NUCKS1: variants seen among roughly 807,000 people sequenced by gnomAD.
NUCKS1 encodes the protein nuclear ubiquitous casein and cyclin-dependent kinase substrate 1.
NUCKS1 carries 2 observed loss-of-function variants against 33.0 expected under a neutral mutation model. The observed-to-expected ratio is 0.06, with a 90% CI of 0.02 to 0.19. The LOEUF is 0.19. Among genes scored for constraint, NUCKS1 ranks in the 10% least tolerant of loss-of-function variants. NUCKS1 has a pLI of 1.00. For missense variants in NUCKS1, 201 were observed against 293.6 expected (o/e 0.68, Z 2.31); for synonymous variants, 106 against 102.8 (o/e 1.03, Z -0.19).
chr1:205,749,927 C>G (rs765479478), intron 1 of NUCKS1, 30 bp downstream of exon 1: 27 of 1,605,876 alleles, frequency 1.7e-5, no homozygotes, highest in Non-Finnish European at 2.2e-5. Context: ...CCCCCTCCAA[C>G]CCGCTCCAGG....
rs376759057 is a variant in NUCKS1 at position 205,750,026 on chromosome 1, C to A, written c.-53G>T. 2.7e-4 allele frequency: 275 copies of A among 1,004,822 alleles called. No homozygotes were observed. Among genetic ancestry groups the A allele is most frequent in the Middle Eastern group, 3.4e-4 (1 of 2,910 alleles). 62.2% of individuals were successfully genotyped at this position (1,004,822 alleles called of 1,614,324 possible). A position where few individuals can be genotyped will look rare whatever the true frequency, so the allele number is the denominator to read the frequency against. ...AGAAGCCAAAGACCAGGACCCCCCCCACCCCGCGCGCTCGGCGCCCCACCC... is the reference window on the plus strand; with the variant it reads ...AGAAGCCAAAGACCAGGACCCCCCCAACCCCGCGCGCTCGGCGCCCCACCC... On this transcript the variant is annotated 5_prime_UTR_variant, in exon 1 of 7. Transcript: ENST00000367142.
At chr1:205,721,767 C>G (rs1671921759) in intron 4 of NUCKS1, among the ~76,000 whole-genome samples, 1 of 151,950 alleles carries the variant, frequency 6.6e-6, no homozygotes. Flanking sequence ...CCTCACCTCC[C>G]AGGTTCAAGC....
chr1:205,727,774 G>T lies in NUCKS1; in HGVS notation c.99C>A (p.Pro33=). The T allele has an allele frequency of 1.9e-6, 3 of 1,612,928 alleles. No individual in the cohort carries two copies. The highest frequency in any genetic ancestry group is 1.3e-5 in the African/African-American group (1 of 74,928). Residue 33 remains proline (P), a synonymous_variant, in exon 3 of 7, where the codon CCC becomes CCA. Coordinates refer to ENST00000367142, the MANE Select transcript of NUCKS1 (RefSeq NM_022731.5). ...DEDYGRDSGP[P]TKKIRSSPRE... ...GGGGAGATGATCGAATTTTCTTAGT[G>T]GGAGGGCCCGAATCTCTTCCATAAT... is the stretch of plus-strand genomic sequence containing the variant.
At position 205,717,740 on chromosome 1, in the gene NUCKS1, G is replaced by GC. The variant is rs1671847862; in HGVS notation, c.*539_*540insG. Reference sequence around the variant, plus strand: ...AAGTTTAAAGTCATGATTTTTTTTAGACATTGATACTTGTGTCTATAGACA... The same window carrying GC: ...AAGTTTAAAGTCATGATTTTTTTTAGCACATTGATACTTGTGTCTATAGACA... On this transcript the variant is annotated 3_prime_UTR_variant, in exon 7 of 7. Transcript: ENST00000367142. The GC allele has an allele frequency of 1.0e-6, 1 of 984,662 alleles. No individual in the cohort carries two copies. The highest frequency in any genetic ancestry group is 6.2e-5 in the Admixed American group (1 of 16,224). 61.0% of individuals were successfully genotyped at this position (984,662 alleles called of 1,614,324 possible).
chr1:205,741,274 T>C lies in NUCKS1; in HGVS notation c.17+8683A>G, dbSNP rs1212837093. ...GAGATCGCGCCACTGCACTCCAGCC[T>C]GGGCGACAGAGCGAGACTGTCTCAA... is the stretch of plus-strand genomic sequence containing the variant. On this transcript the variant is annotated intron_variant, in intron 1 of 6. Transcript: ENST00000367142. Among the ~76,000 whole-genome samples, 3 of 119,110 alleles carry C rather than the reference T, an allele frequency of 2.5e-5. No homozygotes were observed. The East Asian group carries it at 7.4e-4, about 29-fold the overall frequency. The allele number at this position is 119,110 out of a possible 152,430, so 78.1% of individuals were successfully genotyped here.
At chr1:205,729,839 T>C (rs567941138) in intron 1 of NUCKS1, among the ~76,000 whole-genome samples, 78 of 152,120 alleles carry the variant, frequency 5.1e-4, no homozygotes, top group African/African-American at 1.7e-3. Context: ...CTAACCAACA[T>C]AGAGAAACCT....
At position 205,749,990 on chromosome 1, in the gene NUCKS1, G is replaced by A. The variant is rs376990276; in HGVS notation, c.-17C>T. ...CCGCGACATGTTCGCTGTCGAAACA[G>A]GACCGAGTCGAGAAGCCAAAGACCA... is the stretch of plus-strand genomic sequence containing the variant. On this transcript the variant is annotated 5_prime_UTR_variant, in exon 1 of 7. Coordinates refer to ENST00000367142, the MANE Select transcript of NUCKS1 (RefSeq NM_022731.5). The A allele has an allele frequency of 1.9e-5, 30 of 1,598,742 alleles. No individual in the cohort carries two copies. In the African/African-American group the frequency reaches 2.9e-4, roughly 15 times the overall value.
chr1:205,717,749 ACT>A lies in NUCKS1; in HGVS notation c.*529_*530del. The A allele has an allele frequency of 1.0e-6, 1 of 985,102 alleles. No homozygotes were observed. Among genetic ancestry groups the A allele is most frequent in the Non-Finnish European group, 1.2e-6 (1 of 829,668 alleles). The allele number at this position is 985,102 out of a possible 1,614,324, so 61.0% of individuals were successfully genotyped here. A position where few individuals can be genotyped will look rare whatever the true frequency, so the allele number is the denominator to read the frequency against. On this transcript the variant is annotated 3_prime_UTR_variant, in exon 7 of 7. Coordinates refer to ENST00000367142, the MANE Select transcript of NUCKS1 (RefSeq NM_022731.5). Reference sequence around the variant, plus strand: ...GTCATGATTTTTTTTAGACATTGATACTTGTGTCTATAGACAAATAAACTCAT... The same window carrying A: ...GTCATGATTTTTTTTAGACATTGATATGTGTCTATAGACAAATAAACTCAT...
intron 1 of NUCKS1, among the ~76,000 whole-genome samples, chr1:205,744,333 T>A (rs1435843547): frequency 6.6e-6 from 1 of 152,180 alleles, no homozygotes; most frequent in Non-Finnish European, 1.5e-5. Flanking sequence ...GCCTAACATA[T>A]GAAATGAGGA....
At position 205,729,572 on chromosome 1, in the gene NUCKS1, C is replaced by G; in HGVS notation, c.67G>C (p.Asp23His). Residue 23 changes from aspartate (D) to histidine (H), a missense_variant and splice_region_variant, in exon 2 of 7, where the codon GAT becomes CAT. Transcript: ENST00000367142. ...AATTTGTTGAAACCACAAAACTTACCTGCATCATCAGATTCCTGAAACTGT... is the reference window on the plus strand; with the variant it reads ...AATTTGTTGAAACCACAAAACTTACGTGCATCATCAGATTCCTGAAACTGT... ...YSQFQESDDA[D>H]EDYGRDSGPP... is the part of the protein sequence containing the mutation. 1 of 1,611,688 alleles carries G rather than the reference C, an allele frequency of 6.2e-7. No individual in the cohort carries two copies. The highest frequency in any genetic ancestry group is 1.1e-5 in the South Asian group (1 of 91,000).
At chr1:205,729,664 G>T in intron 1 of NUCKS1, 43 bp from the exon 2 acceptor site, 1 of 1,422,326 alleles carries the variant, frequency 7.0e-7, no homozygotes, top group Non-Finnish European at 9.9e-7. Flanking sequence ...AAAACTGTAG[G>T]ATTTTTCTAA....
intron 1 of NUCKS1, among the ~76,000 whole-genome samples, chr1:205,740,317 A>G (rs1654135942): frequency 6.6e-6 from 1 of 151,808 alleles, no homozygotes; most frequent in Non-Finnish European, 1.5e-5. Context: ...TCCTATTTAC[A>G]ATTTAAAATA....
At chr1:205,747,261 C>T (rs562229026) in intron 1 of NUCKS1, among the ~76,000 whole-genome samples, 5 of 152,276 alleles carry the variant, frequency 3.3e-5, no homozygotes, top group Admixed American at 6.5e-5. Context: ...CCTCACTTAT[C>T]CAGGTCCCCA....
At chr1:205,748,876 A>G (rs905077677) in intron 1 of NUCKS1, among the ~76,000 whole-genome samples, 3 of 152,250 alleles carry the variant, frequency 2.0e-5, no homozygotes, top group Non-Finnish European at 1.5e-5. Context: ...TACATTAAAA[A>G]TATTTATTTG....
intron 1 of NUCKS1, among the ~76,000 whole-genome samples, chr1:205,743,214 T>C (rs1459492845): frequency 6.6e-6 from 1 of 152,238 alleles, no homozygotes; most frequent in Middle Eastern, 3.2e-3. Context: ...AAAACTTTTA[T>C]TCAAAATTAG....
chr1:205,731,662 C>T (rs747389230), intron 1 of NUCKS1, among the ~76,000 whole-genome samples: 3 of 152,092 alleles, frequency 2.0e-5, no homozygotes, highest in Non-Finnish European at 4.4e-5. Context: ...GAGGCCGAGG[C>T]GGGCAGATCA....
chr1:205,717,763 A>T lies in NUCKS1; in HGVS notation c.*517T>A. On this transcript the variant is annotated 3_prime_UTR_variant, in exon 7 of 7. Transcript: ENST00000367142. ...TAGACATTGATACTTGTGTCTATAG[A>T]CAAATAAACTCATATTAGATGACAA... 1.0e-6 allele frequency: 1 copy of T among 985,138 alleles called. No homozygotes were observed. Among genetic ancestry groups the T allele is most frequent in the African/African-American group, 1.7e-5 (1 of 57,348 alleles). 61.0% of individuals were successfully genotyped at this position (985,138 alleles called of 1,614,324 possible).
At chr1:205,733,874 C>A (rs932022869) in intron 1 of NUCKS1, among the ~76,000 whole-genome samples, 2 of 151,918 alleles carry the variant, frequency 1.3e-5, no homozygotes, top group African/African-American at 4.8e-5. Flanking sequence ...GTCCGTCCAC[C>A]CATCCATCCA....
At chr1:205,734,730 C>G (rs1216376850) in intron 1 of NUCKS1, among the ~76,000 whole-genome samples, 1 of 152,002 alleles carries the variant, frequency 6.6e-6, no homozygotes, top group East Asian at 1.9e-4. Context: ...CCCATCTCCA[C>G]TAAAAATACA....
Sources: gnomAD v4.1 joint callset for allele counts (sites outside exome capture counted in the v4.1 genomes callset) on GRCh38, gnomAD v4.1.1 for gene constraint, MANE v1.5 for transcripts, NCBI Gene and HGNC (gene_info 2026-07-23, HGNC 2026-07-21) for gene names.